BRINP2: variants seen among roughly 807,000 people sequenced by gnomAD.
The protein encoded by BRINP2 is BMP/retinoic acid inducible neural specific 2, also known as BMP/retinoic acid-inducible neural-specific protein 2.
BRINP2 carries 21 observed loss-of-function variants against 69.2 expected under a neutral mutation model. The ratio of observed to expected loss-of-function variants is 0.30; its 90% CI spans 0.22 to 0.44. BRINP2 has a LOEUF of 0.44. BRINP2 is among the 20% of genes least tolerant of loss of function. BRINP2 has a pLI of 1.00. For synonymous variants in BRINP2, 380 were observed against 394.1 expected, an observed-to-expected ratio of 0.96 and a Z score of 0.42; for missense variants, 877 against 986.0, an observed-to-expected ratio of 0.89 and a Z score of 1.48.
chr1:177,209,233 G>GA (rs1649155094), intron 1 of BRINP2, among the ~76,000 whole-genome samples: 1 of 151,830 alleles, frequency 6.6e-6, no homozygotes, highest in African/African-American at 2.4e-5. Flanking sequence ...AAAAGAAAAA[G>GA]AAAAAAAGAT....
intron 1 of BRINP2, among the ~76,000 whole-genome samples, chr1:177,212,096 GA>G (rs1649239499): frequency 4.0e-5 from 6 of 151,540 alleles, no homozygotes; most frequent in Non-Finnish European, 7.4e-5. Flanking sequence ...TAGATAGATA[GA>G]TAGATAGATA....
At chr1:177,278,433 G>A (rs2102364350) in intron 6 of BRINP2, 130 bp from the exon 7 acceptor site, 1 of 787,608 alleles carries the variant, frequency 1.3e-6, no homozygotes, top group Non-Finnish European at 2.1e-6. Context: ...AGCACCCAGG[G>A]AAATGGGTGT....
At chr1:177,257,014 A>C (rs1650785689) in intron 3 of BRINP2, 162 bp from the exon 4 acceptor site, 3 of 1,529,884 alleles carry the variant, frequency 2.0e-6, no homozygotes, top group Non-Finnish European at 8.8e-7. Flanking sequence ...GCTCCCTCTG[A>C]TGAGCTTCTT....
At chr1:177,251,283 CTA>C (rs1650573255) in intron 2 of BRINP2, among the ~76,000 whole-genome samples, 1 of 152,028 alleles carries the variant, frequency 6.6e-6, no homozygotes, top group Admixed American at 6.6e-5. Context: ...AAATGTTATG[CTA>C]TGTTTTGAAT....
chr1:177,251,266 G>T (rs746193999), intron 2 of BRINP2, among the ~76,000 whole-genome samples: 4 of 152,170 alleles, frequency 2.6e-5, no homozygotes, highest in Non-Finnish European at 5.9e-5. Flanking sequence ...ACATTTTGCT[G>T]CGGTGTAAAT....
intron 4 of BRINP2, among the ~76,000 whole-genome samples, chr1:177,269,073 A>G (rs927217554): frequency 6.6e-6 from 1 of 152,062 alleles, no homozygotes; most frequent in Non-Finnish European, 1.5e-5. Context: ...TCCAACCCCC[A>G]TGTACTACCC....
intron 1 of BRINP2, among the ~76,000 whole-genome samples, chr1:177,217,784 G>T (rs1347267767): frequency 6.6e-6 from 1 of 152,222 alleles, no homozygotes. Flanking sequence ...TGGAATTTGT[G>T]TGGGGCAGCT....
intron 1 of BRINP2, among the ~76,000 whole-genome samples, chr1:177,201,753 T>C (rs955879711): frequency 8.5e-5 from 13 of 152,198 alleles, no homozygotes; most frequent in African/African-American, 2.9e-4. Context: ...TTCTATTGAC[T>C]GGAATAGTTT....
intron 1 of BRINP2, among the ~76,000 whole-genome samples, chr1:177,226,713 C>G (rs1220012793): frequency 1.3e-5 from 2 of 152,152 alleles, no homozygotes; most frequent in Non-Finnish European, 2.9e-5. Flanking sequence ...AGTCCTTATC[C>G]AAGGCTCTGG....
intron 1 of BRINP2, among the ~76,000 whole-genome samples, chr1:177,196,260 T>A (rs1648740356): frequency 6.6e-6 from 1 of 152,200 alleles, no homozygotes; most frequent in Non-Finnish European, 1.5e-5. Flanking sequence ...TTACCAGTGC[T>A]CAGGCCCTAG....
At chr1:177,218,922 G>A (rs1036167096) in intron 1 of BRINP2, among the ~76,000 whole-genome samples, 12 of 152,140 alleles carry the variant, frequency 7.9e-5, no homozygotes, top group African/African-American at 2.9e-4. Flanking sequence ...TCTTGCTGAT[G>A]TCACTTCAAC....
intron 1 of BRINP2, among the ~76,000 whole-genome samples, chr1:177,205,508 T>G (rs1280245505): frequency 1.3e-5 from 2 of 152,212 alleles, no homozygotes; most frequent in Non-Finnish European, 2.9e-5. Flanking sequence ...GCTTCATTCC[T>G]GAGAAGAATG....
intron 1 of BRINP2, among the ~76,000 whole-genome samples, chr1:177,214,931 C>T (rs1024920803): frequency 2.0e-5 from 3 of 152,146 alleles, no homozygotes; most frequent in East Asian, 3.9e-4. Flanking sequence ...GATTTACTCT[C>T]TTAGTAATAT....
chr1:177,215,479 T>A (rs994059809), intron 1 of BRINP2, among the ~76,000 whole-genome samples: 1 of 152,190 alleles, frequency 6.6e-6, no homozygotes, highest in African/African-American at 2.4e-5. Context: ...TTCTCTTGAT[T>A]CCTTTTTTAG....
At chr1:177,216,446 A>G (rs1318845493) in intron 1 of BRINP2, among the ~76,000 whole-genome samples, 1 of 151,998 alleles carries the variant, frequency 6.6e-6, no homozygotes, top group African/African-American at 2.4e-5. Flanking sequence ...AATATGTTTT[A>G]CTTGACAATT....
intron 1 of BRINP2, among the ~76,000 whole-genome samples, chr1:177,219,350 C>A (rs908519877): frequency 2.0e-5 from 3 of 152,174 alleles, no homozygotes; most frequent in African/African-American, 7.2e-5. Flanking sequence ...AAAGAGAGAG[C>A]CCTTTATCAA....
At chr1:177,276,119 G>C in intron 5 of BRINP2, 79 bp from the exon 6 acceptor site, 2 of 1,345,112 alleles carry the variant, frequency 1.5e-6, no homozygotes, top group Non-Finnish European at 2.1e-6. Flanking sequence ...CTCCAGCTGG[G>C]ATTCCTGCAG....
chr1:177,171,110 T>C lies in BRINP2; in HGVS notation c.-699T>C, dbSNP rs1345672868. Among the ~76,000 whole-genome samples, 1 of 152,214 alleles carries C rather than the reference T, an allele frequency of 6.6e-6. No individual in the cohort carries two copies. Among genetic ancestry groups the C allele is most frequent in the Non-Finnish European group, 1.5e-5 (1 of 68,028 alleles). On this transcript the variant is annotated 5_prime_UTR_variant, in exon 1 of 8. Coordinates refer to ENST00000361539, the MANE Select transcript of BRINP2 (RefSeq NM_021165.4). ...TGAGCTCGGAGGATCCCATTAGGAC[T>C]TGCCCGGGGATGTGCACCTGCCGTG...
chr1:177,181,958 C>T (rs370654458), intron 1 of BRINP2, among the ~76,000 whole-genome samples: 200 of 152,342 alleles, frequency 1.3e-3, no homozygotes, highest in African/African-American at 4.6e-3. Flanking sequence ...TTCCTAAAAC[C>T]CTTATCTGTA....
Sources: gnomAD v4.1 joint callset for allele counts (sites outside exome capture counted in the v4.1 genomes callset) on GRCh38, gnomAD v4.1.1 for gene constraint, MANE v1.5 for transcripts, NCBI Gene and HGNC (gene_info 2026-07-23, HGNC 2026-07-21) for gene names.